The following CLMP variants were observed in gnomAD, a reference collection of about 807,000 sequenced individuals.
The protein encoded by CLMP is CXADR like cell adhesion molecule, also known as CXADR-like membrane protein.
A neutral mutation model predicts 45.2 loss-of-function variants in CLMP; 27 were observed. That is an observed-to-expected ratio of 0.60 (90% CI 0.44 to 0.82). CLMP has a LOEUF of 0.82. CLMP is among the 40% of genes least tolerant of loss of function. The probability of loss-of-function intolerance (pLI) is 0.00; values close to 1 mark genes in which losing one functional copy is unlikely to be tolerated. For synonymous variants in CLMP, 167 were observed against 171.4 expected (o/e 0.97, Z 0.20); for missense variants, 403 against 448.4 (o/e 0.90, Z 0.91).
At chr11:123,147,816 C>A (rs1861259779) in intron 1 of CLMP, among the ~76,000 whole-genome samples, 1 of 143,168 alleles carries the variant, frequency 7.0e-6, no homozygotes, top group Non-Finnish European at 1.5e-5. Context: ...AAGACACTGA[C>A]TTTTTTTTTT....
chr11:123,179,233 T>C (rs1417393565), intron 1 of CLMP, among the ~76,000 whole-genome samples: 1 of 152,224 alleles, frequency 6.6e-6, no homozygotes, highest in Non-Finnish European at 1.5e-5. Context: ...TCCTTTCTCA[T>C]GGAAGGAGCT....
intron 2 of CLMP, among the ~76,000 whole-genome samples, chr11:123,088,291 G>A (rs748626110): frequency 5.9e-5 from 9 of 152,092 alleles, no homozygotes; most frequent in Non-Finnish European, 7.4e-5. Context: ...AAGGAAATGC[G>A]TTCACAACAG....
chr11:123,126,487 G>A (rs1381190831), intron 1 of CLMP, among the ~76,000 whole-genome samples: 1 of 152,050 alleles, frequency 6.6e-6, no homozygotes, highest in African/African-American at 2.4e-5. Flanking sequence ...TTGAACTCCT[G>A]GACTCAAGAA....
At chr11:123,113,423 G>A (rs1860670510) in intron 1 of CLMP, among the ~76,000 whole-genome samples, 1 of 152,192 alleles carries the variant, frequency 6.6e-6, no homozygotes, top group Admixed American at 6.6e-5. Context: ...GAATTTAGTG[G>A]AGGAAGATCA....
At chr11:123,186,545 T>C (rs956090700) in intron 1 of CLMP, among the ~76,000 whole-genome samples, 6 of 151,278 alleles carry the variant, frequency 4.0e-5, no homozygotes, top group African/African-American at 1.2e-4. Context: ...TGAGATGGTG[T>C]CTCACTCTGT....
intron 1 of CLMP, among the ~76,000 whole-genome samples, chr11:123,112,376 C>T (rs1478719075): frequency 2.2e-5 from 3 of 137,330 alleles, no homozygotes; most frequent in East Asian, 4.3e-4. Context: ...TTGCTCTTGT[C>T]GCCCAGGCTG....
chr11:123,178,605 C>A (rs1469434649), intron 1 of CLMP, among the ~76,000 whole-genome samples: 1 of 152,148 alleles, frequency 6.6e-6, no homozygotes, highest in Non-Finnish European at 1.5e-5. Context: ...CATAACATGA[C>A]CTCCATTCAT....
Position 123,141,173 on chromosome 11 carries a change from C to CTT in CLMP, c.29-43223_29-43222dup, listed in dbSNP as rs550888215. Among the ~76,000 whole-genome samples, 102 of 80,840 alleles carry CTT rather than the reference C, an allele frequency of 1.3e-3. 4 individuals carry two copies. Among genetic ancestry groups the CTT allele is most frequent in the East Asian group, 4.4e-3 (11 of 2,482 alleles). 53.0% of individuals were successfully genotyped at this position (80,840 alleles called of 152,430 possible). A position where few individuals can be genotyped will look rare whatever the true frequency, so the allele number is the denominator to read the frequency against. ...GTACATTATCCAATCTCAGGCATTCCTTTTTTTTTTTTTTTTTTTTTTTTT... is the reference window on the plus strand; with the variant it reads ...GTACATTATCCAATCTCAGGCATTCCTTTTTTTTTTTTTTTTTTTTTTTTTTT... On this transcript the variant is annotated intron_variant, in intron 1 of 6. Coordinates refer to ENST00000448775, the MANE Select transcript of CLMP (RefSeq NM_024769.5).
intron 1 of CLMP, among the ~76,000 whole-genome samples, chr11:123,107,211 C>T (rs893122186): frequency 6.6e-6 from 1 of 151,268 alleles, no homozygotes; most frequent in African/African-American, 2.4e-5. Context: ...TAGGCTTTCA[C>T]CACCATGCCT....
chr11:123,128,356 GC>G (rs1398983693), intron 1 of CLMP, among the ~76,000 whole-genome samples: 1 of 123,056 alleles, frequency 8.1e-6, no homozygotes. Flanking sequence ...TGGCATGGTG[GC>G]CCAGGCCTGT....
At chr11:123,153,952 C>T (rs1349083583) in intron 1 of CLMP, among the ~76,000 whole-genome samples, 2 of 151,598 alleles carry the variant, frequency 1.3e-5, no homozygotes, top group African/African-American at 4.9e-5. Context: ...TCCCAAAGTG[C>T]TAGGATTACA....
chr11:123,122,311 CTCTGCTCCAT>C (rs2135501058), intron 1 of CLMP, among the ~76,000 whole-genome samples: 1 of 152,210 alleles, frequency 6.6e-6, no homozygotes, highest in East Asian at 1.9e-4. Context: ...GTGCCAGGTA[CTCTGCTCCAT>C]TTTTGAAAGC....
At chr11:123,132,761 G>GT (rs1325182620) in intron 1 of CLMP, among the ~76,000 whole-genome samples, 1 of 150,810 alleles carries the variant, frequency 6.6e-6, no homozygotes, top group African/African-American at 2.4e-5. Flanking sequence ...GCCTGGCCCT[G>GT]TTTTTTATTT....
At chr11:123,116,505 T>C (rs1422760775) in intron 1 of CLMP, among the ~76,000 whole-genome samples, 1 of 150,084 alleles carries the variant, frequency 6.7e-6, no homozygotes, top group African/African-American at 2.5e-5. Context: ...GAGGTGGAGG[T>C]CACATTGAGC....
At chr11:123,135,528 G>GT (rs1425643353) in intron 1 of CLMP, among the ~76,000 whole-genome samples, 2 of 152,134 alleles carry the variant, frequency 1.3e-5, no homozygotes, top group African/African-American at 4.8e-5. Context: ...CTGTAGGTTT[G>GT]TATTTCCACT....
intron 1 of CLMP, among the ~76,000 whole-genome samples, chr11:123,166,102 A>G (rs1215143329): frequency 6.6e-6 from 1 of 152,230 alleles, no homozygotes; most frequent in Non-Finnish European, 1.5e-5. Flanking sequence ...CATGATTTGC[A>G]GCCACAATCC....
chr11:123,098,769 C>A lies in CLMP; in HGVS notation c.29-817G>T, dbSNP rs1049463249. Among the ~76,000 whole-genome samples, 5 of 142,230 alleles carry A rather than the reference C, an allele frequency of 3.5e-5. No individual in the cohort carries two copies. The Admixed American group carries it at 3.7e-4, about 10-fold the overall frequency. The allele number at this position is 142,230 out of a possible 152,430, so 93.3% of individuals were successfully genotyped here. A position where few individuals can be genotyped will look rare whatever the true frequency, so the allele number is the denominator to read the frequency against. ...TCACCCAGGCTGGAGTGCAGTGGTG[C>A]GATCTCGGCTCACTGCAACCTCCGT... is the stretch of plus-strand genomic sequence containing the variant. On this transcript the variant is annotated intron_variant, in intron 1 of 6. Coordinates refer to ENST00000448775, the MANE Select transcript of CLMP (RefSeq NM_024769.5).
chr11:123,157,815 C>A (rs111333292), intron 1 of CLMP, among the ~76,000 whole-genome samples: 16 of 151,020 alleles, frequency 1.1e-4, no homozygotes, highest in South Asian at 4.2e-4. Context: ...GAGCAGAGAC[C>A]GGGACGCTGG....
intron 1 of CLMP, among the ~76,000 whole-genome samples, chr11:123,178,698 G>A (rs1333289763): frequency 1.3e-5 from 2 of 152,186 alleles, no homozygotes; most frequent in Non-Finnish European, 2.9e-5. Flanking sequence ...GAGCAGGATG[G>A]GAGATGCAAA....
Sources: gnomAD v4.1 joint callset for allele counts (sites outside exome capture counted in the v4.1 genomes callset) on GRCh38, gnomAD v4.1.1 for gene constraint, MANE v1.5 for transcripts, NCBI Gene and HGNC (gene_info 2026-07-23, HGNC 2026-07-21) for gene names.